Variants in EPHB1 observed in about 807,000 individuals in gnomAD.
EPHB1 encodes EPH receptor B1, also known as ephrin type-B receptor 1.
A neutral mutation model predicts 94.4 loss-of-function variants in EPHB1; 30 were observed. That is an observed-to-expected ratio of 0.32 (90% CI 0.24 to 0.43). The LOEUF is 0.43. Among genes scored for constraint, EPHB1 ranks in the 20% least tolerant of loss-of-function variants. The pLI, the probability that EPHB1 is intolerant of heterozygous loss-of-function variation, is 1.00. For synonymous variants in EPHB1, 522 were observed against 489.1 expected (o/e 1.07, Z -0.89); for missense variants, 1,055 against 1,308.3 (o/e 0.81, Z 2.99).
chr3:134,838,580 T>C (rs68172755), intron 1 of EPHB1, among the ~76,000 whole-genome samples: 24,411 of 152,048 alleles, frequency 0.16, 2,193 homozygotes, highest in South Asian at 0.41. Flanking sequence ...AAAACCACAT[T>C]CTCTCATGCT....
At chr3:134,980,642 A>AAG (rs1276103101) in intron 3 of EPHB1, among the ~76,000 whole-genome samples, 1 of 152,170 alleles carries the variant, frequency 6.6e-6, no homozygotes, top group African/African-American at 2.4e-5. Context: ...TCCACATGAG[A>AAG]AGAGAGGCCT....
chr3:134,980,257 C>T (rs991225695), intron 3 of EPHB1, among the ~76,000 whole-genome samples: 2 of 152,028 alleles, frequency 1.3e-5, no homozygotes, highest in African/African-American at 2.4e-5. Flanking sequence ...TGAGCTTCCT[C>T]ATAGCATGGT....
rs1402954764 is a variant in EPHB1, at chr3:135,084,724, T to C, written c.806-21724T>C. Among the ~76,000 whole-genome samples the C allele has an allele frequency of 2.6e-5, 4 of 152,156 alleles. No individual in the cohort carries two copies. In the East Asian group the frequency reaches 5.8e-4, roughly 22 times the overall value. On this transcript the variant is annotated intron_variant, in intron 3 of 15. Transcript: ENST00000398015. ...CCCAGCAGCTCCACGGTCCTTCTAT[T>C]GTGAGATATTGTAGAACATGAATGA...
At chr3:134,934,774 G>A (rs2038970549) in intron 2 of EPHB1, among the ~76,000 whole-genome samples, 1 of 152,154 alleles carries the variant, frequency 6.6e-6, no homozygotes. Context: ...TTTGGGAGTT[G>A]TGGTGGTTCA....
intron 1 of EPHB1, among the ~76,000 whole-genome samples, chr3:134,903,104 C>T (rs980411613): frequency 3.9e-5 from 6 of 152,272 alleles, no homozygotes; most frequent in South Asian, 2.1e-4. Context: ...TTTGTATATT[C>T]GGTATTACTA....
rs746709877 is a variant in EPHB1, at chr3:135,201,703, G to A, written c.2346+14G>A. 1 of 1,611,346 alleles carries A rather than the reference G, an allele frequency of 6.2e-7. No individual in the cohort carries two copies. Among genetic ancestry groups the A allele is most frequent in the Admixed American group, 1.7e-5 (1 of 59,914 alleles). ...ACCAGCTCCTTGGTGAGTCCTTCTT[G>A]GCATTCTCAAGTAGAAGCATGGCAT... On this transcript the variant is annotated intron_variant, in intron 12 of 15. Transcript: ENST00000398015.
At chr3:135,030,624 C>A (rs568971) in intron 3 of EPHB1, among the ~76,000 whole-genome samples, 4 of 152,206 alleles carry the variant, frequency 2.6e-5, no homozygotes, top group South Asian at 4.1e-4. Context: ...CTGCTCTCTT[C>A]GAAGCTGTCA....
intron 3 of EPHB1, among the ~76,000 whole-genome samples, chr3:135,038,595 C>T (rs372368022): frequency 7.9e-5 from 12 of 152,062 alleles, no homozygotes; most frequent in African/African-American, 2.4e-4. Context: ...AGAATGAAGC[C>T]GCGGACCCTC....
intron 2 of EPHB1, among the ~76,000 whole-genome samples, chr3:134,950,279 C>T (rs924607368): frequency 1.8e-4 from 27 of 152,320 alleles, no homozygotes; most frequent in African/African-American, 6.3e-4. Context: ...TTTCATTATT[C>T]ACTAAAGTAA....
intron 3 of EPHB1, among the ~76,000 whole-genome samples, chr3:135,004,929 T>A (rs891167692): frequency 1.3e-5 from 2 of 152,204 alleles, no homozygotes; most frequent in African/African-American, 4.8e-5. Context: ...TCAGAGTAAT[T>A]TGATCGTCTG....
At chr3:134,999,963 C>T (rs1213021181) in intron 3 of EPHB1, among the ~76,000 whole-genome samples, 1 of 152,236 alleles carries the variant, frequency 6.6e-6, no homozygotes, top group Admixed American at 6.5e-5. Flanking sequence ...ATGTTAAGTA[C>T]ATAGGCTGCA....
intron 3 of EPHB1, among the ~76,000 whole-genome samples, chr3:135,042,757 C>G (rs2107766836): frequency 6.6e-6 from 1 of 152,328 alleles, no homozygotes; most frequent in East Asian, 1.9e-4. Context: ...AAACAGCAAG[C>G]TCATTATCCA....
At chr3:135,124,053 C>T (rs1940094066) in intron 4 of EPHB1, among the ~76,000 whole-genome samples, 1 of 151,650 alleles carries the variant, frequency 6.6e-6, no homozygotes, top group Non-Finnish European at 1.5e-5. Context: ...AGTCTGCCTC[C>T]CCCACTACCT....
intron 3 of EPHB1, among the ~76,000 whole-genome samples, chr3:134,970,825 G>A (rs550345919): frequency 2.6e-5 from 4 of 152,142 alleles, no homozygotes; most frequent in Non-Finnish European, 5.9e-5. Flanking sequence ...TTAATGCTCC[G>A]AAGCTCTTCT....
At chr3:135,180,427 A>G (rs1225084453) in intron 10 of EPHB1, among the ~76,000 whole-genome samples, 1 of 152,250 alleles carries the variant, frequency 6.6e-6, no homozygotes, top group African/African-American at 2.4e-5. Flanking sequence ...AAGACAGACC[A>G]TGATGAATAG....
At chr3:134,871,479 A>G (rs2037498679) in intron 1 of EPHB1, among the ~76,000 whole-genome samples, 1 of 152,198 alleles carries the variant, frequency 6.6e-6, no homozygotes, top group Non-Finnish European at 1.5e-5. Flanking sequence ...AAGTGGATTC[A>G]GTTTCCAGAG....
chr3:134,826,839 T>C (rs957702625), intron 1 of EPHB1, among the ~76,000 whole-genome samples: 27 of 152,192 alleles, frequency 1.8e-4, no homozygotes, highest in Non-Finnish European at 3.5e-4. Context: ...TGACTTCTTA[T>C]TCAGCATGCC....
intron 3 of EPHB1, among the ~76,000 whole-genome samples, chr3:135,056,309 C>T (rs993492555): frequency 5.3e-5 from 8 of 152,206 alleles, no homozygotes; most frequent in South Asian, 2.1e-4. Flanking sequence ...CCTGCCAGGC[C>T]GCATCATCTC....
intron 12 of EPHB1, among the ~76,000 whole-genome samples, chr3:135,225,501 T>C (rs1435600248): frequency 6.6e-6 from 1 of 152,122 alleles, no homozygotes; most frequent in East Asian, 1.9e-4. Context: ...AAATGGAAAT[T>C]GTTTGCGAGG....
Sources: gnomAD v4.1 joint callset for allele counts (sites outside exome capture counted in the v4.1 genomes callset) on GRCh38, gnomAD v4.1.1 for gene constraint, MANE v1.5 for transcripts, NCBI Gene and HGNC (gene_info 2026-07-23, HGNC 2026-07-21) for gene names.